Variants in DNMBP observed in about 807,000 individuals in gnomAD.
DNMBP encodes dynamin binding protein.
Under a neutral mutation model 150.0 loss-of-function variants are expected in DNMBP, and 87 were observed. That is an observed-to-expected ratio of 0.58 (90% CI 0.49 to 0.69). The LOEUF (loss-of-function observed/expected upper bound fraction) is 0.69. Among genes scored for constraint, DNMBP ranks in the 30% least tolerant of loss-of-function variants. The pLI, the probability that DNMBP is intolerant of heterozygous loss-of-function variation, is 0.00. For synonymous variants in DNMBP, 711 were observed against 750.4 expected, an observed-to-expected ratio of 0.95 and a Z score of 0.86; for missense variants, 1,774 against 1,949.0, an observed-to-expected ratio of 0.91 and a Z score of 1.69.
chr10:99,924,433 A>T (rs1216765263), intron 4 of DNMBP, among the ~76,000 whole-genome samples: 1 of 152,202 alleles, frequency 6.6e-6, no homozygotes, highest in African/African-American at 2.4e-5. Flanking sequence ...ACAGAGCGAG[A>T]CTCCGTCTCA....
chr10:99,887,342 C>A (rs912829671), intron 12 of DNMBP, among the ~76,000 whole-genome samples: 1 of 152,128 alleles, frequency 6.6e-6, no homozygotes. Context: ...TTGAGACCAG[C>A]CTGGCAAAAC....
At chr10:99,996,808 A>G (rs2040955693) in intron 1 of DNMBP, among the ~76,000 whole-genome samples, 1 of 152,200 alleles carries the variant, frequency 6.6e-6, no homozygotes. Context: ...AACAATTTTC[A>G]TTCTTTTCAC....
At position 99,941,469 on chromosome 10, in the gene DNMBP, A is replaced by G. The variant is rs540689248; in HGVS notation, c.2260+13745T>C. 1.5e-4 allele frequency among the ~76,000 whole-genome samples: 23 copies of G among 150,960 alleles called. No individual in the cohort carries two copies. In the East Asian group the frequency reaches 4.5e-3, roughly 30 times the overall value. ...CTCAGGGTTACCCTTGACTCTTCTC[A>G]ATTTTTTTTTTTTTTTGAGATGGAG... On this transcript the variant is annotated intron_variant, in intron 4 of 16. Transcript: ENST00000324109.
chr10:99,983,547 G>T (rs11592836), intron 1 of DNMBP, among the ~76,000 whole-genome samples: 32,020 of 152,176 alleles, frequency 0.21, 4,252 homozygotes, highest in Non-Finnish European at 0.29. Flanking sequence ...AACAGATGAG[G>T]GAAAAGCAGG....
chr10:99,946,240 G>A (rs910440408), intron 4 of DNMBP, among the ~76,000 whole-genome samples: 4 of 152,246 alleles, frequency 2.6e-5, no homozygotes, highest in African/African-American at 4.8e-5. Flanking sequence ...TTACAGGCAT[G>A]AGCCACTGAG....
chr10:99,880,410 G>C, intron 15 of DNMBP, 49 bp from the exon 16 acceptor site: 1 of 1,485,194 alleles, frequency 6.7e-7, no homozygotes, highest in South Asian at 1.4e-5. Flanking sequence ...CAGAAGGCTG[G>C]ACAGACAGAG....
intron 4 of DNMBP, among the ~76,000 whole-genome samples, chr10:99,946,764 CA>C (rs1219039647): frequency 1.8e-4 from 27 of 151,912 alleles, no homozygotes; most frequent in Non-Finnish European, 3.5e-4. Flanking sequence ...TTCTGTACAG[CA>C]AAACAAACTA....
intron 4 of DNMBP, among the ~76,000 whole-genome samples, chr10:99,943,894 C>A (rs776167767): frequency 2.6e-5 from 4 of 152,212 alleles, no homozygotes; most frequent in Non-Finnish European, 5.9e-5. Context: ...GTCTTTAGTG[C>A]ATCTTAGATG....
intron 6 of DNMBP, among the ~76,000 whole-genome samples, chr10:99,903,330 T>G (rs536023509): frequency 7.9e-4 from 119 of 151,454 alleles, no homozygotes; most frequent in Admixed American, 6.7e-3. Context: ...GGCCACTTTT[T>G]TTTTGTTTTG....
Position 99,886,629 on chromosome 10 carries a change from CCTT to C in DNMBP, c.3286_3288del (p.Lys1096del). On this transcript the variant is annotated inframe_deletion and splice_region_variant, in exon 13 of 17. Transcript: ENST00000324109. The stretch of plus-strand genomic sequence containing the variant: ...GAGATGACAAGCCGCTCTGTCCTCT[CCTT>C]CTGTAGGGACGAGAAAGGCACATTG... The C allele has an allele frequency of 6.2e-7, 1 of 1,609,716 alleles. No individual in the cohort carries two copies. Among genetic ancestry groups the C allele is most frequent in the Non-Finnish European group, 8.5e-7 (1 of 1,176,974 alleles).
intron 4 of DNMBP, among the ~76,000 whole-genome samples, chr10:99,935,288 C>A (rs2040216222): frequency 6.6e-6 from 1 of 151,974 alleles, no homozygotes; most frequent in Non-Finnish European, 1.5e-5. Context: ...AGGCATCATA[C>A]CAGACTCTTG....
At chr10:99,965,996 A>AT (rs1564748898) in intron 3 of DNMBP, among the ~76,000 whole-genome samples, 1 of 152,220 alleles carries the variant, frequency 6.6e-6, no homozygotes, top group African/African-American at 2.4e-5. Flanking sequence ...CAATACTTTC[A>AT]TTTTTTAGTG....
chr10:99,896,444 CA>C (rs766033803), intron 9 of DNMBP, 47 bp from the exon 10 acceptor site: 5 of 1,602,954 alleles, frequency 3.1e-6, no homozygotes, highest in Non-Finnish European at 4.3e-6. Flanking sequence ...GGGCATACTA[CA>C]AAATGAGCCA....
rs143521367 is a variant in DNMBP at position 99,880,214 on chromosome 10, G to A, written c.4145C>T (p.Thr1382Ile). ...CATGCTGCTGGGGTTGAAGGTCAGG[G>A]TGCTGCCGCTGTTCTGGCGTGGGAA... ...PRFPRQNSGS[T>I]LTFNPSSMAV... The change falls in exon 16 of 17, where the codon ACC becomes ATC. Residue 1382 changes from threonine (T) to isoleucine (I), a missense_variant. Physicochemically the swap from Thr to Ile is moderately conservative, Grantham distance 89. Around this residue, in one of 2 missense-constraint regions of DNMBP, gnomAD observed 1,430 missense variants for 1,492.5 expected, o/e 0.96. Transcript: ENST00000324109. 2,301 of 1,614,176 alleles carry A rather than the reference G, an allele frequency of 1.4e-3. 3 individuals are homozygous for A. Among genetic ancestry groups the A allele is most frequent in the Non-Finnish European group, 1.8e-3 (2,128 of 1,180,020 alleles).
intron 4 of DNMBP, among the ~76,000 whole-genome samples, chr10:99,925,973 GCTC>G (rs1250041154): frequency 2.0e-5 from 3 of 152,068 alleles, no homozygotes; most frequent in African/African-American, 7.2e-5. Context: ...AACATAAGAG[GCTC>G]CTATTTTGTA....
intron 1 of DNMBP, among the ~76,000 whole-genome samples, chr10:99,974,777 A>C (rs2133358553): frequency 2.0e-5 from 3 of 151,554 alleles, no homozygotes; most frequent in Admixed American, 2.0e-4. Context: ...TAGCTCTGTT[A>C]ATTTTATTTA....
At chr10:99,963,437 T>C (rs1399446657) in intron 3 of DNMBP, among the ~76,000 whole-genome samples, 4 of 152,130 alleles carry the variant, frequency 2.6e-5, no homozygotes, top group African/African-American at 4.8e-5. Context: ...GAAAGAGTCA[T>C]ACAAGCTATT....
chr10:99,907,917 A>G (rs2039846552), intron 6 of DNMBP, 78 bp downstream of exon 6: 2 of 988,448 alleles, frequency 2.0e-6, no homozygotes, highest in South Asian at 1.4e-5. Flanking sequence ...ATAGTTACTC[A>G]GTATCAGGAA....
At chr10:99,996,883 T>C (rs2040956201) in intron 1 of DNMBP, among the ~76,000 whole-genome samples, 1 of 152,078 alleles carries the variant, frequency 6.6e-6, no homozygotes, top group African/African-American at 2.4e-5. Flanking sequence ...GCAGCAAAAC[T>C]AAAAGAAAAA....
Sources: allele counts gnomAD v4.1 joint callset (sites outside exome capture counted in the v4.1 genomes callset), GRCh38; gene constraint gnomAD v4.1.1; regional missense constraint gnomAD v4.1.1; transcripts MANE v1.5; gene names NCBI Gene and HGNC (gene_info 2026-07-23, HGNC 2026-07-21).